Variants in EPS15 observed in about 807,000 individuals in gnomAD.
The protein encoded by EPS15 is epidermal growth factor receptor pathway substrate 15, also known as epidermal growth factor receptor substrate 15.
A neutral mutation model predicts 113.8 loss-of-function variants in EPS15; 72 were observed. That is an observed-to-expected ratio of 0.63 (90% confidence interval 0.52 to 0.77). The LOEUF (loss-of-function observed/expected upper bound fraction) is 0.77, where lower values mean the gene tolerates loss of function less well. Among genes scored for constraint, EPS15 ranks in the 30% least tolerant of loss-of-function variants. The pLI is 0.00. For missense variants in EPS15, 1,048 were observed against 1,045.8 expected, an observed-to-expected ratio of 1.00 and a Z score of -0.03; for synonymous variants, 344 against 363.4, an observed-to-expected ratio of 0.95 and a Z score of 0.61.
At chr1:51,372,712 C>A in intron 21 of EPS15, 1 of 407,722 alleles carries the variant, frequency 2.5e-6, no homozygotes, top group Non-Finnish European at 4.7e-6. Flanking sequence ...GCTCCAACCT[C>A]AAAAACATTT....
In EPS15 at chr1:51,355,318, T is replaced by G. The variant is rs7308; in HGVS notation, c.*1382A>C. On this transcript the variant is annotated 3_prime_UTR_variant, in exon 25 of 25. Transcript: ENST00000371733. ...CACAGATCAATACCACCTTGACTTG[T>G]TGACCCAGAGAATTCTAATTAGATT... The G allele has an allele frequency of 0.27, 58,725 of 215,614 alleles. 10,948 individuals are homozygous for G. Among genetic ancestry groups the G allele is most frequent in the African/African-American group, 0.57 (25,271 of 44,314 alleles). The allele number at this position is 215,614 out of a possible 1,614,324, so 13.4% of individuals were successfully genotyped here.
chr1:51,436,990 G>T (rs1652201830), intron 12 of EPS15, among the ~76,000 whole-genome samples: 1 of 152,122 alleles, frequency 6.6e-6, no homozygotes, highest in Non-Finnish European at 1.5e-5. Flanking sequence ...ACAACTACCT[G>T]TATTGCTTTT....
intron 2 of EPS15, among the ~76,000 whole-genome samples, chr1:51,474,195 C>T (rs1471266441): frequency 6.6e-6 from 1 of 152,218 alleles, no homozygotes; most frequent in African/African-American, 2.4e-5. Flanking sequence ...TATTCTGCTG[C>T]TTGCCTAAAG....
Position 51,465,275 on chromosome 1 carries a change from G to A in EPS15, c.361C>T (p.Pro121Ser). The A allele has an allele frequency of 1.2e-6, 2 of 1,609,074 alleles. No individual in the cohort carries two copies. The highest frequency in any genetic ancestry group is 1.7e-5 in the Admixed American group (1 of 59,672). ...AGTTTACTTACTTTTACAGCCCATGGGAGCTCAGCTGCAGAGGTTCCACTG... is the reference window on the plus strand; with the variant it reads ...AGTTTACTTACTTTTACAGCCCATGAGAGCTCAGCTGCAGAGGTTCCACTG... Reference protein sequence around the residue: ...LISGTSAAELPWAVKPEDKAK... With the variant: ...LISGTSAAELSWAVKPEDKAK... Residue 121 changes from proline (P) to serine (S), a missense_variant, in exon 6 of 25, where the codon CCA becomes TCA. Pro to Ser is a moderately conservative substitution (Grantham distance 74). Coordinates refer to ENST00000371733, the MANE Select transcript of EPS15 (RefSeq NM_001981.3).
At chr1:51,383,657 C>T (rs965661023) in intron 21 of EPS15, among the ~76,000 whole-genome samples, 1 of 152,194 alleles carries the variant, frequency 6.6e-6, no homozygotes, top group Non-Finnish European at 1.5e-5. Context: ...TCCTGTGCAG[C>T]CTGGTTCCTA....
At chr1:51,389,906 A>T (rs1488564700) in intron 21 of EPS15, among the ~76,000 whole-genome samples, 9 of 152,380 alleles carry the variant, frequency 5.9e-5, no homozygotes, top group Admixed American at 5.2e-4. Context: ...TAATTTATAG[A>T]TTCAATGCCA....
At chr1:51,517,305 C>G (rs1220731496) in intron 1 of EPS15, among the ~76,000 whole-genome samples, 2 of 152,180 alleles carry the variant, frequency 1.3e-5, no homozygotes, top group Non-Finnish European at 2.9e-5. Context: ...ATAGCTACTA[C>G]TGATTCCGTA....
intron 16 of EPS15, among the ~76,000 whole-genome samples, chr1:51,405,230 G>C (rs1387434600): frequency 6.6e-6 from 1 of 152,120 alleles, no homozygotes; most frequent in Non-Finnish European, 1.5e-5. Context: ...TGTCTCTGTA[G>C]CTCTTATATT....
chr1:51,423,950 G>A (rs930611224), intron 12 of EPS15, among the ~76,000 whole-genome samples: 1 of 151,882 alleles, frequency 6.6e-6, no homozygotes, highest in Non-Finnish European at 1.5e-5. Flanking sequence ...AGGAAGGGGA[G>A]GAAAGGATGG....
At chr1:51,361,590 AG>A (rs1384968504) in intron 23 of EPS15, among the ~76,000 whole-genome samples, 15 of 152,202 alleles carry the variant, frequency 9.9e-5, no homozygotes, top group African/African-American at 3.1e-4. Context: ...TAGCAAAGTA[AG>A]GATGGGCCAG....
intron 12 of EPS15, among the ~76,000 whole-genome samples, chr1:51,426,530 C>T (rs149254781): frequency 1.1e-3 from 166 of 150,972 alleles, no homozygotes; most frequent in African/African-American, 3.9e-3. Context: ...TGGACAAACA[C>T]GACCCTAGAT....
intron 2 of EPS15, 90 bp downstream of exon 2, chr1:51,481,183 C>T (rs1252550101): frequency 2.7e-6 from 2 of 749,404 alleles, no homozygotes; most frequent in East Asian, 2.6e-5. Context: ...TCAAATTTAT[C>T]GAGCTAGCTG....
intron 1 of EPS15, among the ~76,000 whole-genome samples, chr1:51,486,825 T>TTG (rs112288630): frequency 0.042 from 6,317 of 150,868 alleles, 178 homozygotes; most frequent in African/African-American, 0.083. Flanking sequence ...TGGCTAATTT[T>TTG]TGTGTGTGTG....
At chr1:51,419,582 T>G (rs1326758616) in intron 13 of EPS15, among the ~76,000 whole-genome samples, 6 of 152,140 alleles carry the variant, frequency 3.9e-5, no homozygotes, top group Non-Finnish European at 7.4e-5. Flanking sequence ...GTCTTCATTT[T>G]GACATTTCTC....
intron 24 of EPS15, among the ~76,000 whole-genome samples, chr1:51,358,700 T>G (rs573373676): frequency 6.3e-4 from 91 of 144,960 alleles, no homozygotes; most frequent in South Asian, 1.7e-3. Flanking sequence ...ACCAGATTTG[T>G]TTTTTTTTGT....
intron 3 of EPS15, among the ~76,000 whole-genome samples, chr1:51,472,008 A>AT (rs57128370): frequency 0.069 from 9,988 of 145,176 alleles, 387 homozygotes; most frequent in Non-Finnish European, 0.087. Context: ...TTCTTTTATG[A>AT]TTTTTTTTTT....
At chr1:51,373,601 C>T (rs777215768) in intron 21 of EPS15, among the ~76,000 whole-genome samples, 51 of 152,336 alleles carry the variant, frequency 3.3e-4, no homozygotes, top group Non-Finnish European at 6.8e-4. Flanking sequence ...TGCCTCATAA[C>T]ACCTTGAGTT....
intron 13 of EPS15, among the ~76,000 whole-genome samples, chr1:51,414,374 C>A (rs1380422192): frequency 6.6e-6 from 1 of 151,774 alleles, no homozygotes; most frequent in African/African-American, 2.4e-5. Flanking sequence ...CAAGATGGCG[C>A]CACTGCACTC....
chr1:51,387,370 A>C (rs1272250220), intron 21 of EPS15, among the ~76,000 whole-genome samples: 1 of 152,166 alleles, frequency 6.6e-6, no homozygotes. Context: ...AAATCATGCC[A>C]AATTGTAAAG....
Sources: allele counts gnomAD v4.1 joint callset (sites outside exome capture counted in the v4.1 genomes callset), GRCh38; gene constraint gnomAD v4.1.1; transcripts MANE v1.5; gene names NCBI Gene and HGNC (gene_info 2026-07-23, HGNC 2026-07-21).